SCARB1: variants seen among roughly 807,000 people sequenced by gnomAD.
SCARB1 encodes the protein CD36 and LIMPII analogous 1.
SCARB1 carries 30 observed loss-of-function variants against 57.2 expected under a neutral mutation model. That is an observed-to-expected ratio of 0.52 (90% CI 0.39 to 0.71). The LOEUF is 0.71. Ranked by LOEUF, SCARB1 falls within the 30% of genes least tolerant of loss-of-function variation. The pLI, the probability that SCARB1 is intolerant of heterozygous loss-of-function variation, is 0.00. For missense variants in SCARB1, 543 were observed against 671.2 expected (o/e 0.81, Z 2.11); for synonymous variants, 249 against 268.3 (o/e 0.93, Z 0.70).
At chr12:124,833,351 G>A (rs1951497613) in intron 1 of SCARB1, among the ~76,000 whole-genome samples, 1 of 151,816 alleles carries the variant, frequency 6.6e-6, no homozygotes, top group Non-Finnish European at 1.5e-5. Context: ...CACCACGCCT[G>A]GCTAATTTTT....
Position 124,800,352 on chromosome 12 carries a change from G to A in SCARB1, c.1010-110C>T. Reference sequence around the variant, plus strand: ...GTCTGCAGGGCACCCCCGTGGCGATGACAAGATAACCAGACAGAGAGGATC... The same window carrying A: ...GTCTGCAGGGCACCCCCGTGGCGATAACAAGATAACCAGACAGAGAGGATC... On this transcript the variant is annotated intron_variant, in intron 7 of 12. Transcript: ENST00000261693. This position sits in a 1 kb window ranked among gnomAD's most constrained non-coding sequence, Gnocchi z 4.8. 1.3e-6 allele frequency: 1 copy of A among 772,642 alleles called. No homozygotes were observed. The highest frequency in any genetic ancestry group is 2.2e-6 in the Non-Finnish European group (1 of 450,134). 47.9% of individuals were successfully genotyped at this position (772,642 alleles called of 1,614,324 possible). A position where few individuals can be genotyped will look rare whatever the true frequency, so the allele number is the denominator to read the frequency against.
intron 4 of SCARB1, among the ~76,000 whole-genome samples, chr12:124,813,288 A>AT (rs1486257900): frequency 6.6e-6 from 1 of 151,806 alleles, no homozygotes; most frequent in East Asian, 1.9e-4. Flanking sequence ...AAGCCCCACC[A>AT]TTTTTTCCTT....
At chr12:124,844,624 A>G (rs771171684) in intron 1 of SCARB1, among the ~76,000 whole-genome samples, 8 of 151,982 alleles carry the variant, frequency 5.3e-5, no homozygotes, top group Non-Finnish European at 8.8e-5. Flanking sequence ...AGAGGAGATT[A>G]GGACCCGCAG....
chr12:124,800,573 G>A lies in SCARB1; in HGVS notation c.1010-331C>T, dbSNP rs1254540092. Among the ~76,000 whole-genome samples the A allele has an allele frequency of 1.3e-5, 2 of 152,210 alleles. No homozygotes were observed. The highest frequency in any genetic ancestry group is 4.8e-5 in the African/African-American group (2 of 41,452). Reference sequence around the variant, plus strand: ...GGGAAGGCAGAAGCAAGCGTGGGGAGGGGGAAATGCATGGTGCACAAGGGT... The same window carrying A: ...GGGAAGGCAGAAGCAAGCGTGGGGAAGGGGAAATGCATGGTGCACAAGGGT... On this transcript the variant is annotated intron_variant, in intron 7 of 12. Coordinates refer to ENST00000261693, the MANE Select transcript of SCARB1 (RefSeq NM_005505.5). This position sits in a 1 kb window ranked among gnomAD's most constrained non-coding sequence, Gnocchi z 4.8.
chr12:124,810,129 T>G lies in SCARB1; in HGVS notation c.842+45A>C. ...CAGCCAACACCACAGAATTTGGCCA[T>G]GAGCTACCCAGGAAACCCAGGAGGC... is the stretch of plus-strand genomic sequence containing the variant. On this transcript the variant is annotated intron_variant, in intron 6 of 12. Transcript: ENST00000261693. This position sits in a 1 kb window ranked among gnomAD's most constrained non-coding sequence, Gnocchi z 4.0. The G allele has an allele frequency of 3.7e-6, 5 of 1,334,868 alleles. No homozygotes were observed. The highest frequency in any genetic ancestry group is 1.2e-5 in the South Asian group (1 of 85,066). The allele number at this position is 1,334,868 out of a possible 1,614,324, so 82.7% of individuals were successfully genotyped here. A position where few individuals can be genotyped will look rare whatever the true frequency, so the allele number is the denominator to read the frequency against.
chr12:124,786,167 G>A (rs759051573), intron 11 of SCARB1, 190 bp downstream of exon 11: 26 of 1,563,250 alleles, frequency 1.7e-5, no homozygotes, highest in Admixed American at 5.5e-5. Context: ...GTGGCAACGC[G>A]GCATGCAAAA....
Position 124,863,575 on chromosome 12 carries a change from CT to C in SCARB1, c.126+19del, listed in dbSNP as rs766343310. The C allele has an allele frequency of 6.3e-7, 1 of 1,599,928 alleles. No individual in the cohort carries two copies. The highest frequency in any genetic ancestry group is 1.1e-5 in the South Asian group (1 of 89,300). On this transcript the variant is annotated intron_variant, in intron 1 of 12. Coordinates refer to ENST00000261693, the MANE Select transcript of SCARB1 (RefSeq NM_005505.5). Reference sequence around the variant, plus strand: ...CAGCCCGGGTCCGTGCGCGGACCCCCTGGGGTCTCCCTCACCCACCTTAAGG... The same window carrying C: ...CAGCCCGGGTCCGTGCGCGGACCCCCGGGGTCTCCCTCACCCACCTTAAGG...
chr12:124,840,007 C>T (rs55900974), intron 1 of SCARB1: 26,264 of 65,470 alleles, frequency 0.4, 1,187 homozygotes, highest in Middle Eastern at 0.45. Context: ...TTTCTCCGCA[C>T]CCTCACCCCA....
intron 10 of SCARB1, 38 bp from the exon 11 acceptor site, chr12:124,786,541 G>A (rs767994478): frequency 1.9e-5 from 30 of 1,611,448 alleles, no homozygotes; most frequent in African/African-American, 9.3e-5. Context: ...AGCTGGGGCC[G>A]CAGGCTGCGG....
chr12:124,786,159 G>T, intron 11 of SCARB1, 198 bp downstream of exon 11: 1 of 1,551,584 alleles, frequency 6.4e-7, no homozygotes, highest in Non-Finnish European at 8.7e-7. Context: ...GCAGAGTAGT[G>T]GCAACGCGGC....
Position 124,863,752 on chromosome 12 carries a change from C to T in SCARB1, c.-32G>A. 1.4e-6 allele frequency: 2 copies of T among 1,423,414 alleles called. No homozygotes were observed. Among genetic ancestry groups the T allele is most frequent in the Non-Finnish European group, 1.8e-6 (2 of 1,089,726 alleles). The allele number at this position is 1,423,414 out of a possible 1,614,324, so 88.2% of individuals were successfully genotyped here. A position where few individuals can be genotyped will look rare whatever the true frequency, so the allele number is the denominator to read the frequency against. On this transcript the variant is annotated 5_prime_UTR_variant, in exon 1 of 13. Coordinates refer to ENST00000261693, the MANE Select transcript of SCARB1 (RefSeq NM_005505.5). ...GCGCCTGGGGCCCACCCGCGGCTCG[C>T]AGGGCTCCGCGCCTGGCAGGAGACG...
intron 12 of SCARB1, 62 bp downstream of exon 12, chr12:124,782,621 C>T (rs1332208555): frequency 2.5e-5 from 39 of 1,562,902 alleles, no homozygotes; most frequent in Non-Finnish European, 3.0e-5. Flanking sequence ...TGTTTTAAGC[C>T]GCCAGCATTC....
intron 1 of SCARB1, among the ~76,000 whole-genome samples, chr12:124,828,094 G>A (rs1274844171): frequency 2.0e-5 from 3 of 151,852 alleles, no homozygotes; most frequent in Non-Finnish European, 4.4e-5. Flanking sequence ...CCTCCTTTGT[G>A]TGTTTTAAAC....
rs911182398 is a variant in SCARB1, at chr12:124,778,350, A to G, written c.*237T>C. The G allele has an allele frequency of 9.3e-7, 1 of 1,070,084 alleles. No individual in the cohort carries two copies. Among genetic ancestry groups the G allele is most frequent in the Non-Finnish European group, 1.2e-6 (1 of 836,274 alleles). The allele number at this position is 1,070,084 out of a possible 1,614,324, so 66.3% of individuals were successfully genotyped here. A position where few individuals can be genotyped will look rare whatever the true frequency, so the allele number is the denominator to read the frequency against. On this transcript the variant is annotated 3_prime_UTR_variant, in exon 13 of 13. Transcript: ENST00000261693. ...AGTGCTTGTTGACGAGCCTCTCCCT[A>G]CAAGTCCCTTCAGCAGCAGCTCCAT...
chr12:124,862,741 T>A (rs1309514943), intron 1 of SCARB1, among the ~76,000 whole-genome samples: 1 of 141,820 alleles, frequency 7.1e-6, no homozygotes, highest in African/African-American at 2.6e-5. Context: ...TGTGATACTC[T>A]GCAATCTCCC....
At position 124,796,912 on chromosome 12, in the gene SCARB1, A is replaced by G. The variant is rs1949961962; in HGVS notation, c.1129-1644T>C. ...GCTGGCATCTGGGAACCCAGATTTC[A>G]GGAGGGTCCCCACCATCCCCTAACT... On this transcript the variant is annotated intron_variant, in intron 8 of 12. Coordinates refer to ENST00000261693, the MANE Select transcript of SCARB1 (RefSeq NM_005505.5). This position sits in a 1 kb window ranked among gnomAD's most constrained non-coding sequence, Gnocchi z 4.0. 6.6e-6 allele frequency among the ~76,000 whole-genome samples: 1 copy of G among 152,202 alleles called. No homozygotes were observed. The highest frequency in any genetic ancestry group is 2.4e-5 in the African/African-American group (1 of 41,448).
chr12:124,847,975 C>T (rs1952231594), intron 1 of SCARB1, among the ~76,000 whole-genome samples: 1 of 152,124 alleles, frequency 6.6e-6, no homozygotes, highest in South Asian at 2.1e-4. Context: ...TTTACAGATG[C>T]CAGTGTCCTG....
intron 9 of SCARB1, among the ~76,000 whole-genome samples, chr12:124,790,145 TGG>T (rs1377366185): frequency 2.6e-5 from 4 of 151,350 alleles, no homozygotes; most frequent in African/African-American, 9.7e-5. Context: ...GAGGCTGAGG[TGG>T]GAGGATCACT....
intron 12 of SCARB1, among the ~76,000 whole-genome samples, chr12:124,780,546 A>G (rs1165258350): frequency 6.6e-6 from 1 of 152,038 alleles, no homozygotes; most frequent in Non-Finnish European, 1.5e-5. Flanking sequence ...CCAGGTGCCC[A>G]CCCCAAGCTG....
Sources: allele counts gnomAD v4.1 joint callset (sites outside exome capture counted in the v4.1 genomes callset), GRCh38; gene constraint gnomAD v4.1.1; non-coding constraint Gnocchi (gnomAD v3.1); transcripts MANE v1.5; gene names NCBI Gene and HGNC (gene_info 2026-07-23, HGNC 2026-07-21).